The following EMP2 variants were observed in gnomAD, a reference collection of about 807,000 sequenced individuals.
The protein encoded by EMP2 is epithelial membrane protein 2.
In EMP2, 19 loss-of-function variants were observed where a neutral mutation model predicts 13.7. The observed-to-expected ratio is 1.38, with a 90% CI of 0.97 to 2.03. The LOEUF is 2.03. Ranked by LOEUF, EMP2 falls within the 30% of genes most tolerant of loss-of-function variation. EMP2 has a pLI of 0.00. For missense variants in EMP2, 253 were observed against 220.7 expected, an observed-to-expected ratio of 1.15 and a Z score of -0.93; for synonymous variants, 97 against 84.7, an observed-to-expected ratio of 1.15 and a Z score of -0.80.
At position 10,538,195 on chromosome 16, in the gene EMP2, G is replaced by C. The variant is rs1183365891; in HGVS notation, c.170-121C>G. On this transcript the variant is annotated intron_variant, in intron 3 of 4. Transcript: ENST00000359543. ...AGGAGGCAAACAGGAAGGGGTTCAG[G>C]CGGTCGTCTACATGGTCTGAGCACA... 13 of 1,241,694 alleles carry C rather than the reference G, an allele frequency of 1.0e-5. No homozygotes were observed. In the South Asian group the frequency reaches 1.7e-4, roughly 16 times the overall value. The allele number at this position is 1,241,694 out of a possible 1,614,324, so 76.9% of individuals were successfully genotyped here. A position where few individuals can be genotyped will look rare whatever the true frequency, so the allele number is the denominator to read the frequency against.
At chr16:10,576,528 G>C (rs2050985200) in intron 1 of EMP2, 1 of 151,784 alleles carries the variant, frequency 6.6e-6, no homozygotes, top group South Asian at 2.1e-4. Flanking sequence ...TTGCATCCTA[G>C]ATTTCTCAGG....
At chr16:10,550,570 AC>A (rs1325422971) in intron 1 of EMP2, among the ~76,000 whole-genome samples, 2 of 152,202 alleles carry the variant, frequency 1.3e-5, no homozygotes, top group Non-Finnish European at 2.9e-5. Flanking sequence ...AATGGATCCC[AC>A]CAGGAGGTGC....
At chr16:10,547,778 A>G (rs1177211012) in intron 1 of EMP2, 101 bp from the exon 2 acceptor site, 3 of 657,238 alleles carry the variant, frequency 4.6e-6, no homozygotes, top group African/African-American at 3.7e-5. Context: ...GCTCATGCCT[A>G]TAATCCTGGA....
rs2050749207 is a variant in EMP2, at chr16:10,547,563, G to C, written c.55C>G (p.Leu19Val). ...ACATTGTCGACGGTGGCAATGAACA[G>C]CAAGGCTGCAGAGGTGATGTGGAAG... ...IAFHITSAAL[L>V]FIATVDNAWW... The change falls in exon 2 of 5, where the codon CTG becomes GTG. Residue 19 changes from leucine to valine, a missense_variant. Physicochemically the swap from Leu to Val is conservative, Grantham distance 32. Coordinates refer to ENST00000359543, the MANE Select transcript of EMP2 (RefSeq NM_001424.6). 2 of 1,614,156 alleles carry C rather than the reference G, an allele frequency of 1.2e-6. No individual in the cohort carries two copies. The highest frequency in any genetic ancestry group is 1.1e-5 in the South Asian group (1 of 91,066).
intron 2 of EMP2, chr16:10,545,078 G>C (rs1169903215): frequency 6.6e-6 from 1 of 152,076 alleles, no homozygotes; most frequent in Non-Finnish European, 1.5e-5. Context: ...ACTCACCGAT[G>C]GACAAAAAGT....
At chr16:10,544,056 T>G in intron 2 of EMP2, 1 of 211,334 alleles carries the variant, frequency 4.7e-6, no homozygotes, top group Non-Finnish European at 9.6e-6. Context: ...GTGTTTACTA[T>G]GTTGTCAGGC....
rs779874983 is a variant in EMP2, at chr16:10,543,596, C to T, written c.143G>A (p.Cys48Tyr). 3.7e-6 allele frequency: 6 copies of T among 1,614,218 alleles called. 1 individual carries two copies. The South Asian group carries it at 6.6e-5, about 18-fold the overall frequency. The change falls in exon 3 of 5, where the codon TGC (cysteine) becomes TAC (tyrosine). Residue 48 changes from cysteine (C) to tyrosine (Y), a missense_variant. Cys to Tyr is a radical substitution (Grantham distance 194). Transcript: ENST00000359543. ...TTGAAAGCTGTCATTGATGACTGTG[C>T]AATTCGTGTTGTTGGTACATATTCT... ...VWRICTNNTN[C>Y]TVINDSFQEY...
At chr16:10,573,429 G>A (rs2050961190) in intron 1 of EMP2, among the ~76,000 whole-genome samples, 1 of 152,142 alleles carries the variant, frequency 6.6e-6, no homozygotes, top group Non-Finnish European at 1.5e-5. Flanking sequence ...TGTTCCAAGG[G>A]GGATGCTCCA....
At position 10,531,433 on chromosome 16, in the gene EMP2, G is replaced by A. The variant is rs2050601608; in HGVS notation, c.*1472C>T. On this transcript the variant is annotated 3_prime_UTR_variant, in exon 5 of 5. Coordinates refer to ENST00000359543, the MANE Select transcript of EMP2 (RefSeq NM_001424.6). ...CTGCAACCTCCACCTCCCATTTCAAGTGATTCTCCTGCCTCAGCCACCTGA... is the reference window on the plus strand; with the variant it reads ...CTGCAACCTCCACCTCCCATTTCAAATGATTCTCCTGCCTCAGCCACCTGA... 6.6e-6 allele frequency: 1 copy of A among 152,212 alleles called. No homozygotes were observed. The highest frequency in any genetic ancestry group is 2.4e-5 in the African/African-American group (1 of 41,402). 9.4% of individuals were successfully genotyped at this position (152,212 alleles called of 1,614,324 possible).
intron 3 of EMP2, among the ~76,000 whole-genome samples, chr16:10,538,553 C>T (rs1323244260): frequency 1.3e-5 from 2 of 152,114 alleles, no homozygotes; most frequent in South Asian, 4.1e-4. Flanking sequence ...CTGTAGGTAT[C>T]GGAGGCTGAT....
chr16:10,559,737 C>T (rs1030616904), intron 1 of EMP2, among the ~76,000 whole-genome samples: 9 of 152,112 alleles, frequency 5.9e-5, no homozygotes, highest in African/African-American at 9.7e-5. Flanking sequence ...TGCCATGGTG[C>T]GATCTCAGCT....
chr16:10,567,031 T>C (rs2050911013), intron 1 of EMP2, among the ~76,000 whole-genome samples: 1 of 152,124 alleles, frequency 6.6e-6, no homozygotes, highest in Non-Finnish European at 1.5e-5. Flanking sequence ...CAGCCCCAAC[T>C]CCTAAGTCAG....
At chr16:10,552,119 C>CTTTTT (rs35463309) in intron 1 of EMP2, among the ~76,000 whole-genome samples, 1 of 108,240 alleles carries the variant, frequency 9.2e-6, no homozygotes, top group Non-Finnish European at 1.7e-5. Flanking sequence ...GATGCATTCC[C>CTTTTT]TTTTTTTTTT....
chr16:10,574,178 T>G (rs192679388), intron 1 of EMP2, among the ~76,000 whole-genome samples: 221 of 152,312 alleles, frequency 1.5e-3, no homozygotes, highest in African/African-American at 5.2e-3. Flanking sequence ...ACTCAAGTGA[T>G]CTGCCTGCCT....
In EMP2 at chr16:10,543,441, G is replaced by A. The variant is rs551171570; in HGVS notation, c.169+129C>T. ...CCGCTCCAGCACACACTGAGCAAACGCGGCCAGGCCCACCGGAGTATGCAG... is the reference window on the plus strand; with the variant it reads ...CCGCTCCAGCACACACTGAGCAAACACGGCCAGGCCCACCGGAGTATGCAG... On this transcript the variant is annotated intron_variant, in intron 3 of 4. Transcript: ENST00000359543. 182 of 1,022,122 alleles carry A rather than the reference G, an allele frequency of 1.8e-4. 4 individuals are homozygous for A. The South Asian group carries it at 2.1e-3, about 12-fold the overall frequency. The allele number at this position is 1,022,122 out of a possible 1,614,324, so 63.3% of individuals were successfully genotyped here. A position where few individuals can be genotyped will look rare whatever the true frequency, so the allele number is the denominator to read the frequency against.
chr16:10,564,451 A>C (rs139925868), intron 1 of EMP2, among the ~76,000 whole-genome samples: 2,693 of 143,960 alleles, frequency 0.019, 53 homozygotes, highest in Middle Eastern at 0.072. Flanking sequence ...AGATTGCGCC[A>C]CTGCACTCCA....
At chr16:10,579,974 C>G (rs1230724666) in intron 1 of EMP2, among the ~76,000 whole-genome samples, 1 of 152,186 alleles carries the variant, frequency 6.6e-6, no homozygotes, top group Non-Finnish European at 1.5e-5. Flanking sequence ...CTCTTTAAAG[C>G]CCCCCAAGCC....
intron 4 of EMP2, among the ~76,000 whole-genome samples, chr16:10,534,349 G>C (rs2050631387): frequency 6.6e-6 from 1 of 152,202 alleles, no homozygotes; most frequent in South Asian, 2.1e-4. Flanking sequence ...TGCTAAATCA[G>C]CTCTAGAAAC....
intron 1 of EMP2, among the ~76,000 whole-genome samples, chr16:10,553,573 G>A (rs868573805): frequency 1.4e-4 from 21 of 151,642 alleles, no homozygotes; most frequent in Middle Eastern, 6.3e-3. Flanking sequence ...TAGGGGACAA[G>A]AGTGTGGAGC....
Sources: allele counts gnomAD v4.1 joint callset (sites outside exome capture counted in the v4.1 genomes callset), GRCh38; gene constraint gnomAD v4.1.1; transcripts MANE v1.5; gene names NCBI Gene and HGNC (gene_info 2026-07-23, HGNC 2026-07-21).